The following FNDC3A variants were observed in gnomAD, a reference collection of about 807,000 sequenced individuals.
The protein encoded by FNDC3A is fibronectin type-III domain-containing protein 3A.
Under a neutral mutation model 148.9 loss-of-function variants are expected in FNDC3A, and 32 were observed. That is an observed-to-expected ratio of 0.21 (90% CI 0.16 to 0.29). The LOEUF is 0.29. FNDC3A is among the 10% of genes least tolerant of loss of function. FNDC3A has a pLI of 1.00. For synonymous variants in FNDC3A, 472 were observed against 473.6 expected, an observed-to-expected ratio of 1.00 and a Z score of 0.04; for missense variants, 1,191 against 1,452.8, an observed-to-expected ratio of 0.82 and a Z score of 2.93.
intron 4 of FNDC3A, among the ~76,000 whole-genome samples, chr13:49,120,513 G>A (rs1881263765): frequency 6.6e-6 from 1 of 152,086 alleles, no homozygotes; most frequent in African/African-American, 2.4e-5. Context: ...ATGTAAATGG[G>A]CTAAATGCCC....
intron 10 of FNDC3A, among the ~76,000 whole-genome samples, chr13:49,170,353 A>G (rs940088003): frequency 2.0e-5 from 3 of 152,174 alleles, no homozygotes; most frequent in Admixed American, 6.5e-5. Flanking sequence ...AGTCACTAAA[A>G]GTAGTTTAGT....
At chr13:49,186,190 T>A in intron 15 of FNDC3A, 88 bp downstream of exon 15, 1 of 1,141,884 alleles carries the variant, frequency 8.8e-7, no homozygotes, top group Non-Finnish European at 1.3e-6. Context: ...GATATTTGAG[T>A]AAATTTGTTA....
At chr13:49,071,781 A>G (rs1877715177) in intron 2 of FNDC3A, among the ~76,000 whole-genome samples, 1 of 151,402 alleles carries the variant, frequency 6.6e-6, no homozygotes, top group Non-Finnish European at 1.5e-5. Context: ...CCAGTTATTA[A>G]TGCCCTGCCA....
chr13:49,069,858 G>A (rs1877529331), intron 2 of FNDC3A, among the ~76,000 whole-genome samples: 1 of 152,168 alleles, frequency 6.6e-6, no homozygotes, highest in African/African-American at 2.4e-5. Flanking sequence ...TGCTAGAGCA[G>A]ATACTAGTAT....
At chr13:49,095,706 A>G (rs1249647470) in intron 3 of FNDC3A, among the ~76,000 whole-genome samples, 1 of 152,082 alleles carries the variant, frequency 6.6e-6, no homozygotes, top group Non-Finnish European at 1.5e-5. Flanking sequence ...TTAGCCTTGT[A>G]GTAACTTCTA....
In FNDC3A at chr13:49,187,171, G is replaced by A. The variant is rs1407230569; in HGVS notation, c.1806G>A (p.Glu602=). The A allele has an allele frequency of 6.2e-7, 1 of 1,611,434 alleles. No individual in the cohort carries two copies. Among genetic ancestry groups the A allele is most frequent in the African/African-American group, 1.3e-5 (1 of 74,792 alleles). ...CAACCATCAATAAATATGTAGTGGA[G>A]ATGGCAGAAGGTTCTAACGGTATGA... The part of the protein sequence containing the change: ...GGATINKYVV[E]MAEGSNGNKW... Residue 602 remains glutamate, a synonymous_variant, in exon 16 of 26, where the codon GAG becomes GAA. Transcript: ENST00000492622.
intron 1 of FNDC3A, among the ~76,000 whole-genome samples, chr13:49,004,848 T>C (rs963208633): frequency 6.6e-6 from 1 of 151,950 alleles, no homozygotes; most frequent in Non-Finnish European, 1.5e-5. Flanking sequence ...CACTAACTCT[T>C]GTGATATGCA....
intron 5 of FNDC3A, among the ~76,000 whole-genome samples, chr13:49,131,575 G>T (rs1882038831): frequency 6.6e-6 from 1 of 152,168 alleles, no homozygotes. Flanking sequence ...AAAAATCAAA[G>T]AAGGGAAGTA....
At chr13:49,000,833 G>A (rs913269826) in intron 1 of FNDC3A, among the ~76,000 whole-genome samples, 1 of 152,016 alleles carries the variant, frequency 6.6e-6, no homozygotes, top group South Asian at 2.1e-4. Context: ...GGTTGCTATT[G>A]TAAATGGAAT....
At chr13:49,094,260 A>G (rs1056437148) in intron 3 of FNDC3A, among the ~76,000 whole-genome samples, 2 of 152,148 alleles carry the variant, frequency 1.3e-5, no homozygotes, top group African/African-American at 2.4e-5. Context: ...TGTGTGCTTT[A>G]AACCTTAACC....
intron 24 of FNDC3A, among the ~76,000 whole-genome samples, chr13:49,202,409 C>G (rs1566328666): frequency 6.6e-6 from 1 of 152,194 alleles, no homozygotes; most frequent in African/African-American, 2.4e-5. Flanking sequence ...TTTACACACA[C>G]ATGTACACAT....
chr13:49,013,410 G>A (rs1247276489), intron 2 of FNDC3A, among the ~76,000 whole-genome samples: 1 of 151,364 alleles, frequency 6.6e-6, no homozygotes, highest in Non-Finnish European at 1.5e-5. Context: ...AAGTTTTAGG[G>A]TACATGTGCA....
chr13:49,078,807 AG>A (rs1878284702), intron 3 of FNDC3A, among the ~76,000 whole-genome samples: 1 of 152,234 alleles, frequency 6.6e-6, no homozygotes, highest in African/African-American at 2.4e-5. Flanking sequence ...TGGAGGCAAC[AG>A]ATAACAAGGA....
At chr13:49,021,891 A>G (rs903633528) in intron 2 of FNDC3A, among the ~76,000 whole-genome samples, 1 of 152,142 alleles carries the variant, frequency 6.6e-6, no homozygotes, top group East Asian at 1.9e-4. Flanking sequence ...GTCATTTTAT[A>G]TTTTTATATT....
intron 8 of FNDC3A, 128 bp downstream of exon 8, chr13:49,146,063 A>T (rs901732763): frequency 1.6e-6 from 1 of 644,708 alleles, no homozygotes; most frequent in South Asian, 2.2e-5. Context: ...TTGGCTAATG[A>T]TAGTGATTTC....
rs1175825679 is a variant in FNDC3A, at chr13:49,208,873, A to C, written c.*1478A>C. 6.6e-6 allele frequency: 1 copy of C among 152,618 alleles called. No homozygotes were observed. The highest frequency in any genetic ancestry group is 1.5e-5 in the Non-Finnish European group (1 of 68,018). The allele number at this position is 152,618 out of a possible 1,614,324, so 9.5% of individuals were successfully genotyped here. A position where few individuals can be genotyped will look rare whatever the true frequency, so the allele number is the denominator to read the frequency against. ...ACTTCTGTCAGTCTTTGAAAAAAGA[A>C]CGTATTTTTTGTGCTTTGAAGATCT... On this transcript the variant is annotated 3_prime_UTR_variant, in exon 26 of 26. Coordinates refer to ENST00000492622, the MANE Select transcript of FNDC3A (RefSeq NM_001079673.2).
intron 3 of FNDC3A, among the ~76,000 whole-genome samples, chr13:49,109,768 A>G (rs950597007): frequency 2.0e-5 from 3 of 152,244 alleles, no homozygotes; most frequent in African/African-American, 4.8e-5. Context: ...TGAAAGTGGT[A>G]GTCTTTATTC....
intron 2 of FNDC3A, among the ~76,000 whole-genome samples, chr13:49,013,940 T>A (rs1952430180): frequency 6.6e-6 from 1 of 151,714 alleles, no homozygotes; most frequent in African/African-American, 2.4e-5. Flanking sequence ...TCATTTTTTA[T>A]AGCTGCATAG....
At chr13:48,984,202 G>A (rs1951747992) in intron 1 of FNDC3A, among the ~76,000 whole-genome samples, 1 of 152,148 alleles carries the variant, frequency 6.6e-6, no homozygotes. Context: ...AATGGATGGA[G>A]GAGTATTCAT....
Sources: allele counts gnomAD v4.1 joint callset (sites outside exome capture counted in the v4.1 genomes callset), GRCh38; gene constraint gnomAD v4.1.1; transcripts MANE v1.5; gene names NCBI Gene and HGNC (gene_info 2026-07-23, HGNC 2026-07-21).